Variants in RNF216 observed in about 807,000 individuals in gnomAD.
RNF216 encodes the protein E3 ubiquitin-protein ligase RNF216.
In RNF216, 72 loss-of-function variants were observed where a neutral mutation model predicts 110.8. The observed-to-expected ratio is 0.65, with a 90% CI of 0.54 to 0.79. RNF216 has a LOEUF of 0.79. RNF216 is among the 30% of genes least tolerant of loss of function. The probability of loss-of-function intolerance (pLI) is 0.00; values close to 1 mark genes in which losing one functional copy is unlikely to be tolerated. For synonymous variants in RNF216, 495 were observed against 407.5 expected (o/e 1.21, Z -2.59); for missense variants, 1,342 against 1,141.2 (o/e 1.18, Z -2.54).
intron 2 of RNF216, among the ~76,000 whole-genome samples, chr7:5,760,710 C>A (rs553311391): frequency 2.8e-4 from 43 of 152,238 alleles, no homozygotes; most frequent in African/African-American, 8.4e-4. Context: ...AATCACCACG[C>A]CTTCAAAAAC....
chr7:5,756,230 C>G (rs1213935550), intron 2 of RNF216, among the ~76,000 whole-genome samples: 1 of 152,146 alleles, frequency 6.6e-6, no homozygotes, highest in Non-Finnish European at 1.5e-5. Flanking sequence ...TTCGCCATGA[C>G]AGTAATTTTC....
intron 3 of RNF216, among the ~76,000 whole-genome samples, chr7:5,751,986 G>C (rs1487181854): frequency 6.6e-6 from 1 of 151,996 alleles, no homozygotes; most frequent in African/African-American, 2.4e-5. Flanking sequence ...AGGAGTTCAA[G>C]ACCAGCCTGG....
chr7:5,637,286 G>C (rs555325435), intron 15 of RNF216, among the ~76,000 whole-genome samples: 1 of 152,152 alleles, frequency 6.6e-6, no homozygotes, highest in Non-Finnish European at 1.5e-5. Context: ...GCAAAAGAAG[G>C]ATGACTCGGG....
Position 5,622,817 on chromosome 7 carries a change from A to AC in RNF216, c.*42dup. On this transcript the variant is annotated 3_prime_UTR_variant, in exon 17 of 17. Transcript: ENST00000389902. Reference sequence around the variant, plus strand: ...GGGAGGGTTCTCCATCCACACTCCTACCCCAAACGGGCTTTGTGCTGCTCA... The same window carrying AC: ...GGGAGGGTTCTCCATCCACACTCCTACCCCCAAACGGGCTTTGTGCTGCTCA... 1.3e-6 allele frequency: 2 copies of AC among 1,539,018 alleles called. No individual in the cohort carries two copies. Among genetic ancestry groups the AC allele is most frequent in the South Asian group, 2.4e-5 (2 of 82,380 alleles).
chr7:5,694,804 C>T (rs1791529531), intron 13 of RNF216, among the ~76,000 whole-genome samples: 1 of 152,186 alleles, frequency 6.6e-6, no homozygotes. Context: ...CAGCCACTCT[C>T]TCAAAGTGTT....
At position 5,621,176 on chromosome 7, in the gene RNF216, T is replaced by C. The variant is rs941643816; in HGVS notation, c.*1684A>G. On this transcript the variant is annotated 3_prime_UTR_variant, in exon 17 of 17. Coordinates refer to ENST00000389902, the MANE Select transcript of RNF216 (RefSeq NM_207111.4). ...CAGAAAGAATGGGTATCTTAGTTTT[T>C]TTTTTTTTTTTTTTAAAGATAGAGT... 2.0e-4 allele frequency: 30 copies of C among 151,836 alleles called. No individual in the cohort carries two copies. The highest frequency in any genetic ancestry group is 6.3e-4 in the African/African-American group (26 of 41,422). The allele number at this position is 151,836 out of a possible 1,614,324, so 9.4% of individuals were successfully genotyped here. A position where few individuals can be genotyped will look rare whatever the true frequency, so the allele number is the denominator to read the frequency against.
intron 3 of RNF216, among the ~76,000 whole-genome samples, chr7:5,749,226 C>T (rs1795208730): frequency 6.7e-6 from 1 of 149,680 alleles, no homozygotes; most frequent in African/African-American, 2.5e-5. Context: ...TCTTGGCTCA[C>T]TGCAACCTCC....
intron 1 of RNF216, among the ~76,000 whole-genome samples, chr7:5,763,242 T>C (rs76019383): frequency 0.04 from 6,056 of 152,268 alleles, 178 homozygotes; most frequent in South Asian, 0.066. Context: ...CACATATTGA[T>C]TGTGGTGGTA....
At chr7:5,627,626 A>G (rs58562307) in intron 15 of RNF216, among the ~76,000 whole-genome samples, 11,201 of 151,684 alleles carry the variant, frequency 0.074, 1,342 homozygotes, top group African/African-American at 0.26. Flanking sequence ...ACACGCCTAT[A>G]ATCCCAGCTA....
chr7:5,684,094 C>CTT (rs10608511), intron 13 of RNF216, among the ~76,000 whole-genome samples: 1,621 of 61,862 alleles, frequency 0.026, 149 homozygotes, highest in African/African-American at 0.03. Context: ...GCTGGGCCTT[C>CTT]TTTTTTTTTT....
chr7:5,678,300 T>C (rs1790434641), intron 13 of RNF216, among the ~76,000 whole-genome samples: 1 of 152,228 alleles, frequency 6.6e-6, no homozygotes, highest in South Asian at 2.1e-4. Flanking sequence ...CTTTCAATTA[T>C]GTTCTCTGAG....
At chr7:5,663,109 T>C (rs1401159964) in intron 13 of RNF216, among the ~76,000 whole-genome samples, 1 of 152,208 alleles carries the variant, frequency 6.6e-6, no homozygotes, top group Non-Finnish European at 1.5e-5. Context: ...TGGCACTTGC[T>C]CACTGGGCTC....
chr7:5,774,759 C>CA, intron 1 of RNF216, among the ~76,000 whole-genome samples: 1 of 148,212 alleles, frequency 6.7e-6, no homozygotes, highest in East Asian at 2.0e-4. Context: ...TTCCAAGTTA[C>CA]TTTTTTTTTT....
In RNF216 at chr7:5,770,998, G is replaced by C. The variant is rs542414472; in HGVS notation, c.-69-9860C>G. ...AATTTTTGTATTGTTAGTAGAGACA[G>C]GGTTTCACCATGTTGGCCAGGCTGG... On this transcript the variant is annotated intron_variant, in intron 1 of 16. Coordinates refer to ENST00000389902, the MANE Select transcript of RNF216 (RefSeq NM_207111.4). 7.2e-5 allele frequency among the ~76,000 whole-genome samples: 11 copies of C among 152,246 alleles called. No homozygotes were observed. In the South Asian group the frequency reaches 2.1e-3, roughly 29 times the overall value.
Position 5,624,919 on chromosome 7 carries a change from G to A in RNF216, c.2383-794C>T, listed in dbSNP as rs1397139676. On this transcript the variant is annotated intron_variant, in intron 15 of 16. Coordinates refer to ENST00000389902, the MANE Select transcript of RNF216 (RefSeq NM_207111.4). This position sits in a 1 kb window ranked among gnomAD's most constrained non-coding sequence, Gnocchi z 4.4. Reference sequence around the variant, plus strand: ...CAGCAGACACCATGGTGGGAGGACCGGGCTGCTGCCTCAGGACAGACCACC... The same window carrying A: ...CAGCAGACACCATGGTGGGAGGACCAGGCTGCTGCCTCAGGACAGACCACC... 2.0e-5 allele frequency among the ~76,000 whole-genome samples: 3 copies of A among 152,180 alleles called. No homozygotes were observed. Among genetic ancestry groups the A allele is most frequent in the East Asian group, 3.9e-4 (2 of 5,194 alleles).
At chr7:5,649,345 C>T (rs1248924278) in intron 14 of RNF216, among the ~76,000 whole-genome samples, 2 of 151,040 alleles carry the variant, frequency 1.3e-5, no homozygotes, top group Non-Finnish European at 2.9e-5. Context: ...TGACCCGAGG[C>T]ACTCTAACCT....
intron 2 of RNF216, among the ~76,000 whole-genome samples, chr7:5,757,445 CT>C (rs1183185864): frequency 1.3e-5 from 2 of 151,834 alleles, no homozygotes; most frequent in Non-Finnish European, 2.9e-5. Context: ...CATGATGTAC[CT>C]TTTTTCCTTC....
In RNF216 at chr7:5,621,588, C is replaced by G. The variant is rs898281516; in HGVS notation, c.*1272G>C. The G allele has an allele frequency of 1.3e-5, 2 of 152,290 alleles. No homozygotes were observed. The highest frequency in any genetic ancestry group is 6.5e-5 in the Admixed American group (1 of 15,282). 9.4% of individuals were successfully genotyped at this position (152,290 alleles called of 1,614,324 possible). On this transcript the variant is annotated 3_prime_UTR_variant, in exon 17 of 17. Coordinates refer to ENST00000389902, the MANE Select transcript of RNF216 (RefSeq NM_207111.4). ...AGGAGGTGGCGGGCCACTCCGGAGA[C>G]TGATGCAGCCCCACCCCAATGGTTG... is the stretch of plus-strand genomic sequence containing the variant.
intron 14 of RNF216, 76 bp downstream of exon 14, chr7:5,652,337 T>C (rs930579307): frequency 9.7e-7 from 1 of 1,034,010 alleles, no homozygotes; most frequent in Admixed American, 1.7e-5. Flanking sequence ...GACAACAGTA[T>C]GCCCTCTCTA....
Sources: allele counts gnomAD v4.1 joint callset (sites outside exome capture counted in the v4.1 genomes callset), GRCh38; gene constraint gnomAD v4.1.1; non-coding constraint Gnocchi (gnomAD v3.1); transcripts MANE v1.5; gene names NCBI Gene and HGNC (gene_info 2026-07-23, HGNC 2026-07-21).